ARMC3: variants seen among roughly 807,000 people sequenced by gnomAD.
The protein encoded by ARMC3 is armadillo repeat containing 3.
A neutral mutation model predicts 90.3 loss-of-function variants in ARMC3; 74 were observed. The ratio of observed to expected loss-of-function variants is 0.82; its 90% confidence interval spans 0.68 to 0.99. The LOEUF (loss-of-function observed/expected upper bound fraction) is 0.99, where lower values mean the gene tolerates loss of function less well. Ranked by LOEUF, ARMC3 falls within the 50% of genes least tolerant of loss-of-function variation. ARMC3 has a pLI of 0.00. For missense variants in ARMC3, 958 were observed against 1,042.8 expected, an observed-to-expected ratio of 0.92 and a Z score of 1.12; for synonymous variants, 334 against 361.8, an observed-to-expected ratio of 0.92 and a Z score of 0.87.
At chr10:23,027,257 A>G (rs1299955891) in intron 16 of ARMC3, among the ~76,000 whole-genome samples, 1 of 152,210 alleles carries the variant, frequency 6.6e-6, no homozygotes, top group Non-Finnish European at 1.5e-5. Flanking sequence ...CCATGAACAC[A>G]ATACGTCTCA....
At chr10:22,959,689 T>C (rs1835110840) in intron 6 of ARMC3, 115 bp downstream of exon 6, 3 of 965,024 alleles carry the variant, frequency 3.1e-6, no homozygotes, top group Admixed American at 3.0e-5. Context: ...TCAGATCTTC[T>C]TGTTACTGGT....
chr10:23,005,014 C>A (rs1226437449), intron 13 of ARMC3, among the ~76,000 whole-genome samples: 1 of 150,114 alleles, frequency 6.7e-6, no homozygotes, highest in Non-Finnish European at 1.5e-5. Flanking sequence ...CAGATCGAGA[C>A]CATCCTGGCT....
At chr10:23,020,635 T>C (rs960684355) in intron 16 of ARMC3, among the ~76,000 whole-genome samples, 2 of 152,240 alleles carry the variant, frequency 1.3e-5, no homozygotes, top group Non-Finnish European at 2.9e-5. Flanking sequence ...TTATCCATTC[T>C]AATATGTAAA....
At chr10:22,969,486 C>T (rs1835587933) in intron 8 of ARMC3, among the ~76,000 whole-genome samples, 1 of 152,166 alleles carries the variant, frequency 6.6e-6, no homozygotes, top group Non-Finnish European at 1.5e-5. Context: ...TTTCAGCACA[C>T]ACTGGATTTC....
intron 12 of ARMC3, 146 bp from the exon 13 acceptor site, chr10:23,003,100 A>G (rs925671041): frequency 7.4e-6 from 4 of 538,920 alleles, no homozygotes; most frequent in Middle Eastern, 5.2e-4. Context: ...TCATAATTCT[A>G]TCAGTATTAC....
chr10:22,964,047 G>C (rs1029038460), intron 7 of ARMC3, among the ~76,000 whole-genome samples: 5 of 149,418 alleles, frequency 3.3e-5, no homozygotes, highest in African/African-American at 9.9e-5. Flanking sequence ...AAACTTACTA[G>C]AACTAATAAA....
intron 8 of ARMC3, among the ~76,000 whole-genome samples, chr10:22,978,410 T>G (rs578240157): frequency 6.6e-6 from 1 of 152,310 alleles, no homozygotes; most frequent in South Asian, 2.1e-4. Flanking sequence ...TAACTCACTA[T>G]CAGGAGAACA....
At chr10:22,970,723 G>T (rs775247155) in intron 8 of ARMC3, among the ~76,000 whole-genome samples, 10 of 152,192 alleles carry the variant, frequency 6.6e-5, no homozygotes, top group Non-Finnish European at 7.3e-5. Flanking sequence ...ATTTTTGAAT[G>T]ACTATGTTGG....
At chr10:23,007,323 T>A (rs921210505) in intron 14 of ARMC3, among the ~76,000 whole-genome samples, 1 of 152,148 alleles carries the variant, frequency 6.6e-6, no homozygotes, top group African/African-American at 2.4e-5. Flanking sequence ...TCTCCAGGAC[T>A]ATGTGCTGGA....
At chr10:23,022,226 G>A (rs901108007) in intron 16 of ARMC3, among the ~76,000 whole-genome samples, 1 of 152,138 alleles carries the variant, frequency 6.6e-6, no homozygotes, top group African/African-American at 2.4e-5. Context: ...TACAATGTGA[G>A]GCTTATGTGG....
At chr10:23,036,206 C>T (rs926497990) in intron 18 of ARMC3, among the ~76,000 whole-genome samples, 2 of 152,156 alleles carry the variant, frequency 1.3e-5, no homozygotes, top group Non-Finnish European at 2.9e-5. Flanking sequence ...CCCCACTGAA[C>T]TATGAGTGCC....
At chr10:23,007,447 C>T (rs12259545) in intron 14 of ARMC3, among the ~76,000 whole-genome samples, 9,506 of 152,192 alleles carry the variant, frequency 0.062, 681 homozygotes, top group African/African-American at 0.17. Context: ...GTGGCTGACA[C>T]CTGTAATCCC....
At chr10:22,959,002 C>T in intron 4 of ARMC3, 68 bp from the exon 5 acceptor site, 4 of 1,290,818 alleles carry the variant, frequency 3.1e-6, no homozygotes, top group Non-Finnish European at 4.5e-6. Context: ...GGATTACAGG[C>T]ATGAGCCACC....
intron 10 of ARMC3, among the ~76,000 whole-genome samples, chr10:22,991,043 A>T (rs1446193731): frequency 6.6e-6 from 1 of 151,818 alleles, no homozygotes; most frequent in Admixed American, 6.6e-5. Flanking sequence ...CCATTCCCTA[A>T]GGAATGATGT....
rs1005478444 is a variant in ARMC3 at position 22,930,423 on chromosome 10, G to A, written c.-1-1573G>A. 2.0e-5 allele frequency among the ~76,000 whole-genome samples: 3 copies of A among 152,268 alleles called. No individual in the cohort carries two copies. The East Asian group carries it at 5.8e-4, about 29-fold the overall frequency. ...TCCAGGTGTATGTACTGATTGCTGA[G>A]TAATTTCAAATACAAATTTCAAAAG... On this transcript the variant is annotated intron_variant, in intron 1 of 18. Coordinates refer to ENST00000298032, the MANE Select transcript of ARMC3 (RefSeq NM_173081.5).
chr10:23,005,030 G>A (rs957549891), intron 13 of ARMC3, among the ~76,000 whole-genome samples: 1 of 151,460 alleles, frequency 6.6e-6, no homozygotes, highest in Non-Finnish European at 1.5e-5. Flanking sequence ...TGGCTAACAC[G>A]GTGGAACCCC....
At chr10:22,930,745 T>C (rs1474753815) in intron 1 of ARMC3, among the ~76,000 whole-genome samples, 1 of 152,164 alleles carries the variant, frequency 6.6e-6, no homozygotes, top group East Asian at 1.9e-4. Context: ...CCAAGGATTT[T>C]CTACTTCCTA....
chr10:22,996,276 C>T (rs759600516), intron 10 of ARMC3, among the ~76,000 whole-genome samples: 28 of 151,958 alleles, frequency 1.8e-4, no homozygotes, highest in African/African-American at 3.6e-4. Flanking sequence ...ACCTAATGAA[C>T]GCCATGCCAA....
chr10:23,030,706 C>A lies in ARMC3; in HGVS notation c.2156C>A (p.Ser719Tyr). The part of the protein sequence containing the change: ...GSSDKEWCPP[S>Y]DPDFSMYVYE... ...TCTGACAAAGAATGGTGTCCTCCCT[C>A]TGACCCTGATTTCTCTATGTATGTG... Residue 719 changes from serine (S) to tyrosine (Y), a missense_variant, in exon 17 of 19, where the codon TCT becomes TAT. Transcript: ENST00000298032. 6.2e-7 allele frequency: 1 copy of A among 1,613,908 alleles called. No individual in the cohort carries two copies. The highest frequency in any genetic ancestry group is 2.2e-5 in the East Asian group (1 of 44,864).
Sources: gnomAD v4.1 joint callset for allele counts (sites outside exome capture counted in the v4.1 genomes callset) on GRCh38, gnomAD v4.1.1 for gene constraint, MANE v1.5 for transcripts, NCBI Gene and HGNC (gene_info 2026-07-23, HGNC 2026-07-21) for gene names.